MED24: variants seen among roughly 807,000 people sequenced by gnomAD.
MED24 encodes the protein mediator of RNA polymerase II transcription subunit 24.
In MED24, 74 loss-of-function variants were observed where a neutral mutation model predicts 118.8. The ratio of observed to expected loss-of-function variants is 0.62; its 90% CI spans 0.52 to 0.76. The LOEUF (loss-of-function observed/expected upper bound fraction) is 0.76. Ranked by LOEUF, MED24 falls within the 30% of genes least tolerant of loss-of-function variation. MED24 has a pLI of 0.00. For synonymous variants in MED24, 521 were observed against 523.9 expected (o/e 0.99, Z 0.08); for missense variants, 1,041 against 1,278.9 (o/e 0.81, Z 2.84).
chr17:40,034,934 G>A (rs767798948), intron 6 of MED24, 183 bp downstream of exon 6: 18 of 1,561,242 alleles, frequency 1.2e-5, no homozygotes, highest in Non-Finnish European at 1.2e-5. Flanking sequence ...TGATTGGCTC[G>A]GGTGCCACCC....
In MED24 at chr17:40,032,643, C is replaced by T; in HGVS notation, c.936+6G>A. 1 of 1,607,844 alleles carries T rather than the reference C, an allele frequency of 6.2e-7. No individual in the cohort carries two copies. The highest frequency in any genetic ancestry group is 1.1e-5 in the South Asian group (1 of 90,872). On this transcript the variant is annotated splice_donor_region_variant and intron_variant, in intron 9 of 25. Coordinates refer to ENST00000394128, the MANE Select transcript of MED24 (RefSeq NM_014815.4). ...ACTGGCTCTGCCCCTCCCACGTCCC[C>T]AGTACCTTGAGGAAAGTGAAAGCTG...
intron 4 of MED24, 140 bp downstream of exon 4, chr17:40,035,976 T>A: frequency 8.7e-7 from 1 of 1,148,950 alleles, no homozygotes; most frequent in Admixed American, 1.9e-5. Flanking sequence ...AGGATCCCCC[T>A]CCCATGGAAG....
intron 23 of MED24, 164 bp from the exon 24 acceptor site, chr17:40,020,517 G>A (rs1189086877): frequency 6.7e-7 from 1 of 1,490,760 alleles, no homozygotes; most frequent in Non-Finnish European, 9.1e-7. Context: ...GCCAGGTACA[G>A]TGGCTCACAC....
At chr17:40,029,923 C>T (rs1239955954) in intron 12 of MED24, 64 bp from the exon 13 acceptor site, 2 of 1,463,838 alleles carry the variant, frequency 1.4e-6, no homozygotes, top group Non-Finnish European at 1.9e-6. Context: ...TGACACGTTC[C>T]CTCGTTCAAG....
At position 40,031,309 on chromosome 17, in the gene MED24, G is replaced by A. The variant is rs58089096; in HGVS notation, c.1068-64C>T. On this transcript the variant is annotated intron_variant, in intron 11 of 25. Transcript: ENST00000394128. The stretch of plus-strand genomic sequence containing the variant: ...GATAGGATGGTGAGGGGTGGGAGTG[G>A]CAGGTCCCTGAGCAGCATCCTCCCT... 9.1e-4 allele frequency: 1,318 copies of A among 1,445,536 alleles called. 15 individuals carry two copies. The African/African-American group carries it at 0.016, about 18-fold the overall frequency. 89.5% of individuals were successfully genotyped at this position (1,445,536 alleles called of 1,614,324 possible).
At position 40,019,491 on chromosome 17, in the gene MED24, G is replaced by A. The variant is rs567634315; in HGVS notation, c.*38C>T. The A allele has an allele frequency of 4.7e-5, 74 of 1,567,004 alleles. No homozygotes were observed. In the South Asian group the frequency reaches 6.9e-4, roughly 15 times the overall value. ...TTCCCTTGGAGGCGCCTGGGGCTGC[G>A]CCAGTCCCCAGCCCCCACTGCGGCC... On this transcript the variant is annotated 3_prime_UTR_variant, in exon 26 of 26. Coordinates refer to ENST00000394128, the MANE Select transcript of MED24 (RefSeq NM_014815.4).
At chr17:40,030,673 T>C (rs1022524885) in intron 12 of MED24, among the ~76,000 whole-genome samples, 5 of 151,802 alleles carry the variant, frequency 3.3e-5, no homozygotes, top group African/African-American at 4.8e-5. Flanking sequence ...TTTATTTTTT[T>C]TTTGAGACAA....
intron 23 of MED24, chr17:40,021,293 G>A (rs1394319331): frequency 2.0e-5 from 3 of 152,320 alleles, no homozygotes; most frequent in Non-Finnish European, 2.9e-5. Context: ...GCTAGCTAAA[G>A]GTCACAGCAC....
chr17:40,019,841 C>G lies in MED24; in HGVS notation c.2797G>C (p.Asp933His), dbSNP rs1466585718. 6.3e-7 allele frequency: 1 copy of G among 1,599,140 alleles called. No individual in the cohort carries two copies. Among genetic ancestry groups the G allele is most frequent in the Admixed American group, 1.7e-5 (1 of 57,294 alleles). The change falls in exon 25 of 26, where the codon GAC (aspartate) becomes CAC (histidine). Residue 933 changes from aspartate (D) to histidine (H), a missense_variant. Transcript: ENST00000394128. ...CCACGGCCACCCTGCTCCAGGCAGTCCACACACTCCTCCATGAACCACTGC... is the reference window on the plus strand; with the variant it reads ...CCACGGCCACCCTGCTCCAGGCAGTGCACACACTCCTCCATGAACCACTGC... ...FVQWFMEECV[D>H]CLEQGGRGSV...
Position 40,033,075 on chromosome 17 carries a change from G to A in MED24, c.803C>T (p.Thr268Met), listed in dbSNP as rs772469065. The change falls in exon 8 of 26, where the codon ACG (threonine) becomes ATG (methionine). Residue 268 changes from threonine (T) to methionine (M), a missense_variant. Thr to Met is a moderately conservative substitution (Grantham distance 81). Transcript: ENST00000394128. This position sits in a 1 kb window ranked among gnomAD's most constrained non-coding sequence, Gnocchi z 5.2. Reference protein sequence around the residue: ...GETQSLVEQLTMVKRMQHIPT... With the variant: ...GETQSLVEQLMMVKRMQHIPT... ...TCCCACCTGCATGCGCTTCACCATC[G>A]TCAGCTGCTCCACCAGGGACTGCGT... 1.6e-5 allele frequency: 26 copies of A among 1,613,870 alleles called. No individual in the cohort carries two copies. Among genetic ancestry groups the A allele is most frequent in the Admixed American group, 1.0e-4 (6 of 60,002 alleles).
chr17:40,026,114 A>G, intron 19 of MED24, 42 bp downstream of exon 19: 3 of 1,580,106 alleles, frequency 1.9e-6, no homozygotes, highest in Non-Finnish European at 2.6e-6. Context: ...GACTTCTCAC[A>G]ACACACTTGA....
At chr17:40,042,463 G>A (rs1984659054) in intron 3 of MED24, among the ~76,000 whole-genome samples, 1 of 152,022 alleles carries the variant, frequency 6.6e-6, no homozygotes, top group Admixed American at 6.6e-5. Context: ...TTATGAGGTC[G>A]GGAGTTCAAG....
In MED24 at chr17:40,019,447, C is replaced by G; in HGVS notation, c.*82G>C. 8.6e-7 allele frequency: 1 copy of G among 1,161,222 alleles called. No individual in the cohort carries two copies. The highest frequency in any genetic ancestry group is 1.3e-5 in the South Asian group (1 of 76,840). 71.9% of individuals were successfully genotyped at this position (1,161,222 alleles called of 1,614,324 possible). On this transcript the variant is annotated 3_prime_UTR_variant, in exon 26 of 26. Coordinates refer to ENST00000394128, the MANE Select transcript of MED24 (RefSeq NM_014815.4). Reference sequence around the variant, plus strand: ...TGTGGAGCGGATGTGAGGCACGATGCCTCATCTTTCCTCACTGCTTCCCTT... The same window carrying G: ...TGTGGAGCGGATGTGAGGCACGATGGCTCATCTTTCCTCACTGCTTCCCTT...
intron 3 of MED24, among the ~76,000 whole-genome samples, chr17:40,036,380 C>T (rs9303283): frequency 0.61 from 93,018 of 151,870 alleles, 28,715 homozygotes; most frequent in South Asian, 0.74. Flanking sequence ...GAAGATGATT[C>T]TGGGGATGCT....
intron 14 of MED24, 57 bp from the exon 15 acceptor site, chr17:40,028,003 G>T: frequency 6.4e-7 from 1 of 1,560,176 alleles, no homozygotes; most frequent in South Asian, 1.1e-5. Flanking sequence ...CAGTAGCTGG[G>T]CGCTGGGGCT....
chr17:40,029,070 C>A, intron 13 of MED24, 102 bp from the exon 14 acceptor site: 1 of 1,478,712 alleles, frequency 6.8e-7, no homozygotes, highest in Non-Finnish European at 9.3e-7. Flanking sequence ...GGAATGTAAT[C>A]TACATCTTTC....
Position 40,033,411 on chromosome 17 carries a change from ATC to A in MED24, c.603_604del (p.Glu201AspfsTer22), listed in dbSNP as rs781559442. Reference sequence around the variant, plus strand: ...CTGCGGGTTGCTGAGATTGGCCAGGATCTCTCCAAGTTTCAAGAGAGAATGCT... The same window carrying A: ...CTGCGGGTTGCTGAGATTGGCCAGGATCTCCAAGTTTCAAGAGAGAATGCT... On this transcript the variant is annotated frameshift_variant, in exon 7 of 26. Coordinates refer to ENST00000394128, the MANE Select transcript of MED24 (RefSeq NM_014815.4). LOFTEE classifies it high-confidence loss of function. This position sits in a 1 kb window ranked among gnomAD's most constrained non-coding sequence, Gnocchi z 5.2. 6.2e-7 allele frequency: 1 copy of A among 1,610,050 alleles called. No individual in the cohort carries two copies. The highest frequency in any genetic ancestry group is 2.2e-5 in the East Asian group (1 of 44,774).
intron 23 of MED24, among the ~76,000 whole-genome samples, chr17:40,020,934 G>A (rs1490435497): frequency 2.6e-5 from 4 of 151,796 alleles, no homozygotes; most frequent in South Asian, 2.1e-4. Flanking sequence ...TTAGCCAGGC[G>A]TTGTGGCAGG....
chr17:40,034,785 A>T, intron 6 of MED24: 1 of 624,624 alleles, frequency 1.6e-6, no homozygotes, highest in Non-Finnish European at 2.8e-6. Flanking sequence ...GTGATGTACT[A>T]GTCTTGCTAC....
Sources: gnomAD v4.1 joint callset for allele counts (sites outside exome capture counted in the v4.1 genomes callset) on GRCh38, gnomAD v4.1.1 for gene constraint, Gnocchi (gnomAD v3.1) non-coding constraint, MANE v1.5 for transcripts, NCBI Gene and HGNC (gene_info 2026-07-23, HGNC 2026-07-21) for gene names.